Variants in RERE observed in about 807,000 individuals in gnomAD.
RERE encodes the protein arginine-glutamic acid dipeptide repeats protein.
RERE carries 40 observed loss-of-function variants against 146.1 expected under a neutral mutation model. That is an observed-to-expected ratio of 0.27 (90% confidence interval 0.21 to 0.36). The LOEUF is 0.36. Among genes scored for constraint, RERE ranks in the 10% least tolerant of loss-of-function variants. The probability of loss-of-function intolerance (pLI) is 1.00; values close to 1 mark genes in which losing one functional copy is unlikely to be tolerated. For missense variants in RERE, 1,933 were observed against 2,138.7 expected (o/e 0.90, Z 1.90); for synonymous variants, 1,003 against 866.0 (o/e 1.16, Z -2.78).
intron 1 of RERE, among the ~76,000 whole-genome samples, chr1:8,661,023 G>A (rs942588259): frequency 3.9e-5 from 6 of 152,246 alleles, no homozygotes; most frequent in Admixed American, 3.9e-4. Context: ...AGTGGAGAGA[G>A]ACCACCAACA....
chr1:8,688,278 A>C (rs1223315902), intron 1 of RERE, among the ~76,000 whole-genome samples: 1 of 152,192 alleles, frequency 6.6e-6, no homozygotes, highest in Non-Finnish European at 1.5e-5. Context: ...TCTACAAAAA[A>C]TTTAAGGCCA....
chr1:8,542,134 A>AACAC, intron 6 of RERE, among the ~76,000 whole-genome samples: 1 of 152,186 alleles, frequency 6.6e-6, no homozygotes, highest in Middle Eastern at 3.4e-3. Flanking sequence ...TCCAAATCCA[A>AACAC]ACACACACAC....
At chr1:8,574,778 T>TGGCTA (rs1402352860) in intron 4 of RERE, among the ~76,000 whole-genome samples, 1 of 152,202 alleles carries the variant, frequency 6.6e-6, no homozygotes, top group Non-Finnish European at 1.5e-5. Flanking sequence ...ACGCAGTTAG[T>TGGCTA]GGCTAGGAGA....
chr1:8,706,435 T>G (rs1459023082), intron 1 of RERE, among the ~76,000 whole-genome samples: 3 of 152,240 alleles, frequency 2.0e-5, no homozygotes, highest in Non-Finnish European at 4.4e-5. Context: ...TAAGAGTTAA[T>G]GAAGTATAGA....
intron 1 of RERE, among the ~76,000 whole-genome samples, chr1:8,778,272 G>A (rs562031863): frequency 1.4e-4 from 22 of 152,158 alleles, no homozygotes; most frequent in Admixed American, 3.3e-4. Context: ...TTCTTGATGC[G>A]CAGTTAAATT....
rs746121972 is a variant in RERE, at chr1:8,362,765, C to T, written c.1820G>A (p.Arg607His). ...GCTGGGGGAGTTCCGGCCGCTGGAG[C>T]GGATGTCTTCATTGATGGGTGAGGT... ...GRTSPINEDI[R>H]SSGRNSPSAA... Residue 607 changes from arginine (R) to histidine (H), a missense_variant, in exon 16 of 23, where the codon CGC becomes CAC. Around this residue, in one of 11 missense-constraint regions of RERE, gnomAD observed 1,255 missense variants for 1,153.8 expected, o/e 1.09. Transcript: ENST00000400908. The T allele has an allele frequency of 3.1e-6, 5 of 1,614,176 alleles. No individual in the cohort carries two copies. The highest frequency in any genetic ancestry group is 1.7e-4 in the Middle Eastern group (1 of 6,058).
intron 12 of RERE, among the ~76,000 whole-genome samples, chr1:8,383,345 C>T (rs1353335127): frequency 6.6e-6 from 1 of 151,446 alleles, no homozygotes; most frequent in Non-Finnish European, 1.5e-5. Flanking sequence ...GATCATTAAA[C>T]ATTTCAGCAG....
chr1:8,538,137 T>G (rs1481832580), intron 7 of RERE, among the ~76,000 whole-genome samples: 1 of 152,174 alleles, frequency 6.6e-6, no homozygotes, highest in Non-Finnish European at 1.5e-5. Flanking sequence ...TCCTTAAATT[T>G]CCAGTGGACT....
intron 1 of RERE, among the ~76,000 whole-genome samples, chr1:8,716,285 A>C (rs1302732705): frequency 2.7e-5 from 4 of 147,852 alleles, no homozygotes; most frequent in Non-Finnish European, 6.0e-5. Context: ...CAACACTGCA[A>C]GATCTCATCT....
At chr1:8,719,364 T>C (rs555354882) in intron 1 of RERE, among the ~76,000 whole-genome samples, 28 of 152,244 alleles carry the variant, frequency 1.8e-4, no homozygotes, top group Admixed American at 1.8e-3. Flanking sequence ...AATAAAGTAA[T>C]CCACCCCTAA....
chr1:8,421,229 C>G (rs565632547), intron 12 of RERE, among the ~76,000 whole-genome samples: 5 of 152,340 alleles, frequency 3.3e-5, no homozygotes, highest in African/African-American at 1.2e-4. Context: ...GAGAAATCTA[C>G]TCACTGATCT....
intron 12 of RERE, among the ~76,000 whole-genome samples, chr1:8,384,856 C>A (rs1368245332): frequency 6.6e-6 from 1 of 152,250 alleles, no homozygotes; most frequent in East Asian, 1.9e-4. Flanking sequence ...TCCTGAGTGG[C>A]AGAGGGCAAC....
At chr1:8,786,797 C>T (rs1641267592) in intron 1 of RERE, 3 of 802,804 alleles carry the variant, frequency 3.7e-6, no homozygotes, top group African/African-American at 1.7e-5. Context: ...TAAATAAGCT[C>T]CCTCCTTGCC....
intron 1 of RERE, among the ~76,000 whole-genome samples, chr1:8,740,596 T>C (rs981432251): frequency 3.3e-5 from 5 of 152,232 alleles, no homozygotes; most frequent in South Asian, 2.1e-4. Flanking sequence ...CACGAATACA[T>C]TGTGCAGCTC....
intron 8 of RERE, among the ~76,000 whole-genome samples, chr1:8,500,267 G>T (rs922621294): frequency 6.6e-6 from 1 of 152,158 alleles, no homozygotes; most frequent in African/African-American, 2.4e-5. Context: ...GTTATTAATC[G>T]AAAAGTACTA....
chr1:8,552,282 AC>A (rs1166686408), intron 6 of RERE, among the ~76,000 whole-genome samples: 4 of 152,196 alleles, frequency 2.6e-5, no homozygotes, highest in African/African-American at 9.7e-5. Context: ...CAAACCTTAT[AC>A]ATCAGTTTCC....
At chr1:8,382,693 A>G (rs1390938562) in intron 12 of RERE, among the ~76,000 whole-genome samples, 1 of 152,190 alleles carries the variant, frequency 6.6e-6, no homozygotes, top group Non-Finnish European at 1.5e-5. Context: ...GAGTGAGAAC[A>G]GCTGCCACTG....
chr1:8,356,210 A>C lies in RERE; in HGVS notation c.4376T>G (p.Leu1459Arg). The C allele has an allele frequency of 1.3e-6, 2 of 1,524,122 alleles. No individual in the cohort carries two copies. The highest frequency in any genetic ancestry group is 1.7e-6 in the Non-Finnish European group (2 of 1,147,152). 94.4% of individuals were successfully genotyped at this position (1,524,122 alleles called of 1,614,324 possible). Residue 1459 changes from leucine to arginine, a missense_variant, in exon 21 of 23, where the codon CTG (leucine) becomes CGG (arginine). By Grantham distance (102) the Leu-to-Arg change is moderately radical. Transcript: ENST00000400908. This position sits in a 1 kb window ranked among gnomAD's most constrained non-coding sequence, Gnocchi z 5.2. The part of the protein sequence containing the change: ...AGPVHPLVDP[L>R]TAGPHLARFP... ...GCGAGCCAGGTGGGGACCGGCAGTCAGGGGGTCGACCAGCGGGTGAACGGG... is the reference window on the plus strand; with the variant it reads ...GCGAGCCAGGTGGGGACCGGCAGTCCGGGGGTCGACCAGCGGGTGAACGGG...
intron 9 of RERE, among the ~76,000 whole-genome samples, chr1:8,495,573 A>C (rs755483199): frequency 8.5e-5 from 13 of 152,184 alleles, no homozygotes; most frequent in Non-Finnish European, 1.6e-4. Flanking sequence ...CAGCCTCCTA[A>C]AGTGCTGGGA....
Sources: allele counts gnomAD v4.1 joint callset (sites outside exome capture counted in the v4.1 genomes callset), GRCh38; gene constraint gnomAD v4.1.1; regional missense constraint gnomAD v4.1.1; non-coding constraint Gnocchi (gnomAD v3.1); transcripts MANE v1.5; gene names NCBI Gene and HGNC (gene_info 2026-07-23, HGNC 2026-07-21).